SYCP1: variants seen among roughly 807,000 people sequenced by gnomAD.
The protein encoded by SYCP1 is cancer/testis antigen 8.
A neutral mutation model predicts 153.1 loss-of-function variants in SYCP1; 64 were observed. That is an observed-to-expected ratio of 0.42 (90% confidence interval 0.34 to 0.51). The LOEUF is 0.51. SYCP1 is among the 20% of genes least tolerant of loss of function. SYCP1 has a pLI of 0.06. For missense variants in SYCP1, 997 were observed against 1,049.0 expected (o/e 0.95, Z 0.68); for synonymous variants, 384 against 341.8 (o/e 1.12, Z -1.36).
intron 9 of SYCP1, among the ~76,000 whole-genome samples, chr1:114,874,793 T>A (rs975415641): frequency 4.6e-5 from 7 of 152,230 alleles, no homozygotes; most frequent in African/African-American, 1.4e-4. Context: ...TATCAAATAT[T>A]TACTGCCTTT....
intron 23 of SYCP1, among the ~76,000 whole-genome samples, chr1:114,934,931 T>TACTTAGAC (rs1342145688): frequency 6.6e-6 from 1 of 151,904 alleles, no homozygotes; most frequent in East Asian, 1.9e-4. Context: ...CCTAGAAAGG[T>TACTTAGAC]ACTTAGACTC....
chr1:114,966,600 T>C (rs181829915), intron 27 of SYCP1, among the ~76,000 whole-genome samples: 1 of 152,288 alleles, frequency 6.6e-6, no homozygotes, highest in Non-Finnish European at 1.5e-5. Context: ...ATTTTGTTAC[T>C]TACCCAGTAG....
At chr1:114,986,556 C>G (rs1673517630) in intron 30 of SYCP1, among the ~76,000 whole-genome samples, 1 of 152,092 alleles carries the variant, frequency 6.6e-6, no homozygotes, top group East Asian at 1.9e-4. Context: ...ATTGTTCAAA[C>G]TAGTCTAAAA....
At chr1:114,944,204 T>G in intron 23 of SYCP1, 135 bp from the exon 24 acceptor site, 1 of 529,374 alleles carries the variant, frequency 1.9e-6, no homozygotes, top group South Asian at 3.0e-5. Flanking sequence ...TATGAAAATG[T>G]AAGGAAAGTG....
At chr1:114,957,806 A>G (rs560953368) in intron 27 of SYCP1, among the ~76,000 whole-genome samples, 1 of 152,286 alleles carries the variant, frequency 6.6e-6, no homozygotes, top group African/African-American at 2.4e-5. Context: ...AGGATGTGGA[A>G]CAAAGGGAAC....
intron 27 of SYCP1, among the ~76,000 whole-genome samples, chr1:114,970,828 C>T (rs1483673137): frequency 2.0e-5 from 3 of 152,164 alleles, no homozygotes; most frequent in South Asian, 4.1e-4. Flanking sequence ...GGCAGTGAAG[C>T]AGACTCTATG....
chr1:114,880,880 C>A (rs1665872765), intron 12 of SYCP1, among the ~76,000 whole-genome samples: 1 of 152,090 alleles, frequency 6.6e-6, no homozygotes, highest in South Asian at 2.1e-4. Flanking sequence ...TTATGATCAA[C>A]TAATTTTTGT....
At chr1:114,980,724 G>A (rs1673096638) in intron 28 of SYCP1, among the ~76,000 whole-genome samples, 1 of 151,762 alleles carries the variant, frequency 6.6e-6, no homozygotes. Flanking sequence ...TTTTTAAAGA[G>A]AATCCTCAAC....
intron 20 of SYCP1, among the ~76,000 whole-genome samples, chr1:114,922,821 A>G (rs1466775120): frequency 3.3e-5 from 5 of 152,184 alleles, no homozygotes; most frequent in African/African-American, 1.2e-4. Flanking sequence ...CCAAAATCTC[A>G]TCTGAGACAA....
chr1:114,926,929 C>G (rs915319273), intron 23 of SYCP1, among the ~76,000 whole-genome samples: 1 of 151,970 alleles, frequency 6.6e-6, no homozygotes. Context: ...TGTGATTATC[C>G]TGCTGCAGAA....
intron 27 of SYCP1, among the ~76,000 whole-genome samples, chr1:114,951,968 G>A (rs1476834051): frequency 6.6e-6 from 1 of 152,090 alleles, no homozygotes; most frequent in African/African-American, 2.4e-5. Context: ...ATAGAAAGTT[G>A]GAAAGCAGAT....
At chr1:114,864,639 C>T (rs2101345910) in intron 8 of SYCP1, among the ~76,000 whole-genome samples, 1 of 152,068 alleles carries the variant, frequency 6.6e-6, no homozygotes, top group African/African-American at 2.4e-5. Context: ...CAGCTGCACA[C>T]CACCAGGGCT....
At chr1:114,937,844 G>T (rs1461877070) in intron 23 of SYCP1, among the ~76,000 whole-genome samples, 1 of 152,162 alleles carries the variant, frequency 6.6e-6, no homozygotes, top group African/African-American at 2.4e-5. Flanking sequence ...AAACCACAAT[G>T]AGATACCATC....
chr1:114,885,564 A>G lies in SYCP1; in HGVS notation c.940A>G (p.Ile314Val), dbSNP rs776508900. 6 of 1,581,362 alleles carry G rather than the reference A, an allele frequency of 3.8e-6. No homozygotes were observed. Among genetic ancestry groups the G allele is most frequent in the Admixed American group, 1.8e-5 (1 of 55,338 alleles). ...ACAGAGTGAAAACTTAAAACAATCA[A>G]TTGAGAAACAGCATCATTTGACTAA... ...KLQSENLKQS[I>V]EKQHHLTKEL... The change falls in exon 13 of 32, where the codon ATT (isoleucine) becomes GTT (valine). Residue 314 changes from isoleucine to valine, a missense_variant. Physicochemically the swap from Ile to Val is conservative, Grantham distance 29. Around this residue, in one of 2 missense-constraint regions of SYCP1, gnomAD observed 285 missense variants for 366.1 expected, o/e 0.78. Transcript: ENST00000369522.
At chr1:114,907,640 G>T (rs1445000862) in intron 16 of SYCP1, among the ~76,000 whole-genome samples, 1 of 149,526 alleles carries the variant, frequency 6.7e-6, no homozygotes, top group African/African-American at 2.5e-5. Context: ...GGAGTGCAGT[G>T]GCATGATCTC....
intron 27 of SYCP1, among the ~76,000 whole-genome samples, chr1:114,950,626 A>G (rs112042700): frequency 8.9e-4 from 135 of 152,088 alleles, no homozygotes; most frequent in African/African-American, 3.2e-3. Context: ...GTCCACTTTT[A>G]TTGCATTGTC....
intron 16 of SYCP1, among the ~76,000 whole-genome samples, chr1:114,905,009 C>A (rs574087450): frequency 8.5e-5 from 13 of 152,086 alleles, no homozygotes; most frequent in African/African-American, 1.2e-4. Context: ...ATTGAATGAA[C>A]CTTGCATTTC....
chr1:114,932,519 C>T (rs1364330581), intron 23 of SYCP1, among the ~76,000 whole-genome samples: 1 of 152,176 alleles, frequency 6.6e-6, no homozygotes, highest in Non-Finnish European at 1.5e-5. Flanking sequence ...TTCTGCATTT[C>T]CAACTGAGGT....
intron 27 of SYCP1, among the ~76,000 whole-genome samples, chr1:114,962,719 C>T (rs963011644): frequency 3.9e-5 from 6 of 151,980 alleles, no homozygotes; most frequent in Non-Finnish European, 8.8e-5. Flanking sequence ...TATTTGTTGC[C>T]TGAATACCTT....
Sources: allele counts gnomAD v4.1 joint callset (sites outside exome capture counted in the v4.1 genomes callset), GRCh38; gene constraint gnomAD v4.1.1; regional missense constraint gnomAD v4.1.1; transcripts MANE v1.5; gene names NCBI Gene and HGNC (gene_info 2026-07-23, HGNC 2026-07-21).